The following HNF4G variants were observed in gnomAD, a reference collection of about 807,000 sequenced individuals.
HNF4G encodes the protein hepatocyte nuclear factor 4-gamma.
Under a neutral mutation model 50.9 loss-of-function variants are expected in HNF4G, and 21 were observed. That is an observed-to-expected ratio of 0.41 (90% CI 0.29 to 0.59). HNF4G has a LOEUF of 0.59. Ranked by LOEUF, HNF4G falls within the 20% of genes least tolerant of loss-of-function variation. The pLI is 0.26. For synonymous variants in HNF4G, 198 were observed against 185.6 expected (o/e 1.07, Z -0.54); for missense variants, 527 against 559.4 (o/e 0.94, Z 0.58).
intron 5 of HNF4G, among the ~76,000 whole-genome samples, chr8:75,553,561 G>T (rs1346128777): frequency 1.3e-5 from 2 of 152,018 alleles, no homozygotes; most frequent in African/African-American, 4.8e-5. Context: ...TGGATGTTGT[G>T]TATTGGCGTT....
At chr8:75,446,782 G>C (rs1384309688) in intron 1 of HNF4G, among the ~76,000 whole-genome samples, 2 of 115,610 alleles carry the variant, frequency 1.7e-5, no homozygotes, top group South Asian at 2.9e-4. Context: ...AAATAAAAGA[G>C]GATACAAACA....
chr8:75,439,045 T>C (rs907038287), intron 1 of HNF4G, among the ~76,000 whole-genome samples: 3 of 152,064 alleles, frequency 2.0e-5, no homozygotes, highest in Non-Finnish European at 2.9e-5. Flanking sequence ...TTAACCAGCA[T>C]CCTAGGCTTG....
intron 1 of HNF4G, among the ~76,000 whole-genome samples, chr8:75,477,898 G>A (rs905839382): frequency 2.0e-5 from 3 of 151,938 alleles, no homozygotes; most frequent in African/African-American, 7.3e-5. Context: ...ACCCAGGAGG[G>A]GGAGGCTGCA....
At chr8:75,449,796 C>T (rs1044934267) in intron 1 of HNF4G, among the ~76,000 whole-genome samples, 4 of 152,088 alleles carry the variant, frequency 2.6e-5, no homozygotes, top group Admixed American at 6.6e-5. Context: ...CATGAGCCAC[C>T]GCGCCCGGCC....
At position 75,418,636 on chromosome 8, in the gene HNF4G, T is replaced by C. The variant is rs78159191; in HGVS notation, c.-144+10474T>C. 3.8e-3 allele frequency among the ~76,000 whole-genome samples: 581 copies of C among 151,940 alleles called. 5 individuals are homozygous for C. The highest frequency in any genetic ancestry group is 0.013 in the African/African-American group (536 of 41,490). On this transcript the variant is annotated intron_variant, in intron 1 of 10. Coordinates refer to the HNF4G transcript ENST00000354370. ...GCTAGGACAAATGGCAAAATTGATG[T>C]GGCTTGAGGATGATATCCGGAGTCA...
chr8:75,516,807 T>C (rs573849378), intron 2 of HNF4G, among the ~76,000 whole-genome samples: 2 of 152,194 alleles, frequency 1.3e-5, no homozygotes, highest in East Asian at 3.8e-4. Flanking sequence ...TTATATAAGG[T>C]CACTATTATT....
chr8:75,522,987 G>A (rs1806085870), intron 2 of HNF4G, among the ~76,000 whole-genome samples: 1 of 152,072 alleles, frequency 6.6e-6, no homozygotes, highest in Non-Finnish European at 1.5e-5. Flanking sequence ...AGCACTTTGG[G>A]AGGTCTAGCA....
intron 1 of HNF4G, among the ~76,000 whole-genome samples, chr8:75,473,934 GA>G (rs1045370041): frequency 1.3e-5 from 2 of 151,818 alleles, no homozygotes; most frequent in East Asian, 3.9e-4. Flanking sequence ...GGCTGTCTGA[GA>G]AAAAAACAAA....
At chr8:75,452,902 ACT>A (rs1478504447) in intron 1 of HNF4G, among the ~76,000 whole-genome samples, 1 of 152,126 alleles carries the variant, frequency 6.6e-6, no homozygotes, top group East Asian at 1.9e-4. Context: ...TATTGAAGGC[ACT>A]CTCTATTATT....
At chr8:75,500,295 A>T (rs1169430638) in intron 2 of HNF4G, among the ~76,000 whole-genome samples, 1 of 152,160 alleles carries the variant, frequency 6.6e-6, no homozygotes, top group Non-Finnish European at 1.5e-5. Flanking sequence ...AGTCATTAGG[A>T]AAATGCAATT....
intron 2 of HNF4G, among the ~76,000 whole-genome samples, chr8:75,514,615 T>A (rs1805846049): frequency 6.6e-6 from 1 of 152,062 alleles, no homozygotes; most frequent in African/African-American, 2.4e-5. Context: ...CCTCTCAAAG[T>A]GCTGAGATTA....
At chr8:75,544,133 A>G (rs2130789208) in intron 2 of HNF4G, among the ~76,000 whole-genome samples, 154 bp downstream of exon 2, 1 of 152,376 alleles carries the variant, frequency 6.6e-6, no homozygotes, top group South Asian at 2.1e-4. Context: ...GTGGGTATGT[A>G]CACAGGATGT....
chr8:75,427,815 T>C (rs1436582289), intron 1 of HNF4G, among the ~76,000 whole-genome samples: 1 of 152,132 alleles, frequency 6.6e-6, no homozygotes, highest in Non-Finnish European at 1.5e-5. Context: ...ATATATGTTA[T>C]GTGTATTATA....
intron 1 of HNF4G, among the ~76,000 whole-genome samples, chr8:75,486,610 A>T (rs565202639): frequency 1.3e-5 from 2 of 152,330 alleles, no homozygotes; most frequent in South Asian, 4.1e-4. Context: ...ACCTTTGTAG[A>T]TGGAAGCTGA....
chr8:75,468,816 G>A lies in HNF4G; in HGVS notation c.-143-21273G>A, dbSNP rs184325012. Reference sequence around the variant, plus strand: ...TTCCTAATATGGTAGCCTTGTTATTGCCTCCCTATCATCTAGAAAGCAAGT... The same window carrying A: ...TTCCTAATATGGTAGCCTTGTTATTACCTCCCTATCATCTAGAAAGCAAGT... On this transcript the variant is annotated intron_variant, in intron 1 of 10. Transcript: ENST00000354370. Among the ~76,000 whole-genome samples, 35 of 151,602 alleles carry A rather than the reference G, an allele frequency of 2.3e-4. No homozygotes were observed. The East Asian group carries it at 5.2e-3, about 23-fold the overall frequency.
intron 2 of HNF4G, among the ~76,000 whole-genome samples, chr8:75,510,707 A>G (rs944698590): frequency 2.0e-5 from 3 of 152,194 alleles, no homozygotes; most frequent in Non-Finnish European, 4.4e-5. Context: ...AGGTTATACC[A>G]TCTAGGTTTG....
chr8:75,491,478 T>A (rs995557676), intron 2 of HNF4G, among the ~76,000 whole-genome samples: 1 of 151,858 alleles, frequency 6.6e-6, no homozygotes, highest in Middle Eastern at 3.2e-3. Context: ...TTTCTTTTCT[T>A]TCCTTTTTTT....
intron 1 of HNF4G, among the ~76,000 whole-genome samples, chr8:75,431,328 A>C (rs1466565324): frequency 2.0e-5 from 3 of 152,196 alleles, no homozygotes; most frequent in Non-Finnish European, 4.4e-5. Context: ...TTTAGGATTG[A>C]TGAAAGACAT....
chr8:75,423,866 C>T (rs1392254349), intron 1 of HNF4G, among the ~76,000 whole-genome samples: 1 of 115,882 alleles, frequency 8.6e-6, no homozygotes, highest in Non-Finnish European at 1.6e-5. Context: ...GCTCTGTCTC[C>T]AGGCTGGAGT....
Sources: gnomAD v4.1 joint callset for allele counts (sites outside exome capture counted in the v4.1 genomes callset) on GRCh38, gnomAD v4.1.1 for gene constraint, MANE v1.5 for transcripts, NCBI Gene and HGNC (gene_info 2026-07-23, HGNC 2026-07-21) for gene names.